Variants in RBMS3 observed in about 807,000 individuals in gnomAD.
The protein encoded by RBMS3 is RNA-binding motif, single-stranded-interacting protein 3.
RBMS3 carries 27 observed loss-of-function variants against 66.8 expected under a neutral mutation model. The observed-to-expected ratio is 0.40, with a 90% CI of 0.30 to 0.56. The LOEUF (loss-of-function observed/expected upper bound fraction) is 0.56, where lower values mean the gene tolerates loss of function less well. RBMS3 is among the 20% of genes least tolerant of loss of function. The pLI, the probability that RBMS3 is intolerant of heterozygous loss-of-function variation, is 0.40. For missense variants in RBMS3, 513 were observed against 549.5 expected (o/e 0.93, Z 0.66); for synonymous variants, 188 against 183.0 (o/e 1.03, Z -0.22).
rs75973088 is a variant in RBMS3, at chr3:29,685,654, A to G, written c.400-54066A>G. ...TTAGAAAGAAATCACTTGCTTAAACAATAGGCAGGAACTGTGCGACTCGAC... is the reference window on the plus strand; with the variant it reads ...TTAGAAAGAAATCACTTGCTTAAACGATAGGCAGGAACTGTGCGACTCGAC... On this transcript the variant is annotated intron_variant, in intron 4 of 14. Coordinates refer to ENST00000383767, the MANE Select transcript of RBMS3 (RefSeq NM_001003793.3). 9.7e-3 allele frequency among the ~76,000 whole-genome samples: 1,485 copies of G among 152,326 alleles called. 30 individuals are homozygous for G. The highest frequency in any genetic ancestry group is 0.034 in the African/African-American group (1,431 of 41,572).
intron 12 of RBMS3, among the ~76,000 whole-genome samples, chr3:29,968,165 G>A (rs1287447688): frequency 6.6e-6 from 1 of 151,986 alleles, no homozygotes; most frequent in African/African-American, 2.4e-5. Context: ...ATATCCCAGA[G>A]GGCAGGACTC....
chr3:29,431,202 T>G (rs1461528294), intron 1 of RBMS3, among the ~76,000 whole-genome samples: 1 of 152,202 alleles, frequency 6.6e-6, no homozygotes, highest in Non-Finnish European at 1.5e-5. Context: ...GTATAATTCA[T>G]TTTAAAATTC....
intron 4 of RBMS3, chr3:29,696,933 G>A (rs997600285): frequency 3.5e-5 from 34 of 983,276 alleles, no homozygotes; most frequent in Non-Finnish European, 4.0e-5. Context: ...TCCCCTGGTC[G>A]TTTGGGTTTT....
chr3:29,467,270 G>C (rs2042575978), intron 2 of RBMS3, among the ~76,000 whole-genome samples: 1 of 152,148 alleles, frequency 6.6e-6, no homozygotes, highest in Admixed American at 6.5e-5. Flanking sequence ...CTCATGTAAA[G>C]TTCAAATGTA....
intron 3 of RBMS3, among the ~76,000 whole-genome samples, chr3:29,563,495 C>T (rs1401042300): frequency 1.3e-5 from 2 of 152,110 alleles, no homozygotes; most frequent in African/African-American, 4.8e-5. Context: ...GAAACCTCAA[C>T]CAGTTTCAGG....
At chr3:29,727,992 T>A (rs2053956644) in intron 4 of RBMS3, among the ~76,000 whole-genome samples, 1 of 152,068 alleles carries the variant, frequency 6.6e-6, no homozygotes, top group Non-Finnish European at 1.5e-5. Context: ...ATAAAGAAAA[T>A]CTGGCATATA....
intron 7 of RBMS3, among the ~76,000 whole-genome samples, chr3:29,872,701 C>T (rs370543264): frequency 4.6e-5 from 7 of 152,140 alleles, no homozygotes; most frequent in South Asian, 4.1e-4. Flanking sequence ...CCTTCCTCCC[C>T]GGTGCCTCCT....
chr3:29,952,920 T>C (rs1695777549), intron 12 of RBMS3, among the ~76,000 whole-genome samples: 1 of 151,842 alleles, frequency 6.6e-6, no homozygotes, highest in Non-Finnish European at 1.5e-5. Flanking sequence ...AAATAAAATA[T>C]GAAGATTTGG....
At chr3:29,602,565 T>C (rs968960784) in intron 4 of RBMS3, among the ~76,000 whole-genome samples, 1 of 151,986 alleles carries the variant, frequency 6.6e-6, no homozygotes, top group African/African-American at 2.4e-5. Flanking sequence ...TAATGCAAAA[T>C]ACAATGGGAA....
At chr3:29,941,888 G>T (rs1361357061) in intron 11 of RBMS3, among the ~76,000 whole-genome samples, 1 of 151,740 alleles carries the variant, frequency 6.6e-6, no homozygotes. Context: ...GAAGGTGTAG[G>T]AAAATAAGCA....
At chr3:29,931,007 C>G (rs1029428489) in intron 10 of RBMS3, among the ~76,000 whole-genome samples, 1 of 152,072 alleles carries the variant, frequency 6.6e-6, no homozygotes, top group African/African-American at 2.4e-5. Flanking sequence ...TCGGTGAACT[C>G]TTATAAAGCA....
intron 3 of RBMS3, among the ~76,000 whole-genome samples, chr3:29,515,838 T>C (rs1010098949): frequency 1.3e-5 from 2 of 152,218 alleles, no homozygotes; most frequent in East Asian, 3.8e-4. Context: ...AGTGTGTCCT[T>C]GTTCAAAAGC....
chr3:29,396,683 C>T (rs1030753349), intron 1 of RBMS3, among the ~76,000 whole-genome samples: 1 of 151,968 alleles, frequency 6.6e-6, no homozygotes, highest in Non-Finnish European at 1.5e-5. Context: ...GTAAATAGGG[C>T]AAAATATAGT....
In RBMS3 at chr3:29,346,497, G is replaced by T. The variant is rs181850659; in HGVS notation, c.75+64741G>T. Among the ~76,000 whole-genome samples the T allele has an allele frequency of 4.8e-3, 674 of 140,950 alleles. 7 individuals carry two copies. The highest frequency in any genetic ancestry group is 0.016 in the African/African-American group (605 of 38,092). The allele number at this position is 140,950 out of a possible 152,430, so 92.5% of individuals were successfully genotyped here. ...CAGCTCACTGCAACCTCCGCCTCCC[G>T]GGTTCAAGTGATTCTCCTGCCTCAG... is the stretch of plus-strand genomic sequence containing the variant. On this transcript the variant is annotated intron_variant, in intron 1 of 14. Coordinates refer to ENST00000383767, the MANE Select transcript of RBMS3 (RefSeq NM_001003793.3).
intron 1 of RBMS3, among the ~76,000 whole-genome samples, chr3:29,324,683 T>C (rs2125498950): frequency 6.8e-6 from 1 of 148,076 alleles, no homozygotes; most frequent in Non-Finnish European, 1.5e-5. Flanking sequence ...TCTCCTGCAC[T>C]AAAGTTTAAT....
At chr3:29,663,377 C>T (rs1274286129) in intron 4 of RBMS3, among the ~76,000 whole-genome samples, 4 of 152,194 alleles carry the variant, frequency 2.6e-5, no homozygotes, top group African/African-American at 9.7e-5. Flanking sequence ...AAGACCTTGA[C>T]TCTGGATTAT....
intron 5 of RBMS3, among the ~76,000 whole-genome samples, chr3:29,755,933 T>C (rs2055392878): frequency 6.6e-6 from 1 of 152,190 alleles, no homozygotes; most frequent in African/African-American, 2.4e-5. Context: ...ACTCTCCCTG[T>C]ATAAATTAAG....
intron 12 of RBMS3, among the ~76,000 whole-genome samples, chr3:29,987,214 T>C (rs1034221452): frequency 2.0e-5 from 3 of 152,132 alleles, no homozygotes; most frequent in Non-Finnish European, 4.4e-5. Context: ...TGATTCCAGT[T>C]TTGATGTTTT....
At chr3:29,366,666 C>T (rs2037925712) in intron 1 of RBMS3, among the ~76,000 whole-genome samples, 1 of 152,152 alleles carries the variant, frequency 6.6e-6, no homozygotes, top group East Asian at 1.9e-4. Context: ...TGAGCCACCA[C>T]ACCTGGCGAT....
Sources: gnomAD v4.1 joint callset for allele counts (sites outside exome capture counted in the v4.1 genomes callset) on GRCh38, gnomAD v4.1.1 for gene constraint, MANE v1.5 for transcripts, NCBI Gene and HGNC (gene_info 2026-07-23, HGNC 2026-07-21) for gene names.